Variants in LINGO2 observed in about 807,000 individuals in gnomAD.
LINGO2 encodes leucine rich repeat and Ig domain containing 2.
A neutral mutation model predicts 30.6 loss-of-function variants in LINGO2; 14 were observed. That is an observed-to-expected ratio of 0.46 (90% CI 0.30 to 0.72). The LOEUF is 0.72. Among genes scored for constraint, LINGO2 ranks in the 30% least tolerant of loss-of-function variants. The probability of loss-of-function intolerance (pLI) is 0.07; values close to 1 mark genes in which losing one functional copy is unlikely to be tolerated. For synonymous variants in LINGO2, 317 were observed against 288.5 expected (o/e 1.10, Z -1.00); for missense variants, 729 against 751.7 (o/e 0.97, Z 0.35).
chr9:28,851,143 C>G, the LINGO2 span, among the ~76,000 whole-genome samples: 3 of 152,002 alleles, frequency 2.0e-5, no homozygotes, highest in East Asian at 5.8e-4. Context: ...TTTCCTATTA[C>G]TTCTATAACA....
At chr9:29,004,040 T>C in the LINGO2 span, among the ~76,000 whole-genome samples, 14 of 152,026 alleles carry the variant, frequency 9.2e-5, no homozygotes, top group Non-Finnish European at 2.9e-5. Context: ...CCTCATTTTA[T>C]AAGCCAAAGC....
chr9:28,496,301 C>G (rs1819626060), intron 1 of LINGO2, among the ~76,000 whole-genome samples: 2 of 152,122 alleles, frequency 1.3e-5, no homozygotes, highest in South Asian at 4.1e-4. Context: ...GTCTAAGTCT[C>G]TCTGTAGGTC....
chr9:28,565,581 T>C (rs1332650307), intron 1 of LINGO2, among the ~76,000 whole-genome samples: 1 of 151,410 alleles, frequency 6.6e-6, no homozygotes, highest in African/African-American at 2.4e-5. Context: ...AGACGGAGTC[T>C]CGCTCTGTCG....
At chr9:28,106,733 C>T (rs980795576) in intron 4 of LINGO2, among the ~76,000 whole-genome samples, 1 of 152,090 alleles carries the variant, frequency 6.6e-6, no homozygotes, top group Admixed American at 6.6e-5. Context: ...AGCAGTGAAG[C>T]CTTCTCAAAT....
At chr9:28,937,768 A>G in the LINGO2 span, among the ~76,000 whole-genome samples, 7 of 152,034 alleles carry the variant, frequency 4.6e-5, no homozygotes, top group African/African-American at 7.2e-5. Flanking sequence ...TAGTCTCTCA[A>G]TTGCTGTTTG....
chr9:28,090,989 T>G (rs899178841), intron 4 of LINGO2, among the ~76,000 whole-genome samples: 1 of 152,100 alleles, frequency 6.6e-6, no homozygotes, highest in Non-Finnish European at 1.5e-5. Context: ...ATAAAATACC[T>G]AGGAATCCAA....
At chr9:28,266,544 A>T (rs1822756993) in intron 4 of LINGO2, among the ~76,000 whole-genome samples, 1 of 151,990 alleles carries the variant, frequency 6.6e-6, no homozygotes, top group Non-Finnish European at 1.5e-5. Context: ...CAGAAAATTG[A>T]CAAGAGAAGA....
the LINGO2 span, among the ~76,000 whole-genome samples, chr9:28,741,923 G>T: frequency 6.6e-6 from 1 of 151,948 alleles, no homozygotes; most frequent in Non-Finnish European, 1.5e-5. Flanking sequence ...GGTCAGCCTG[G>T]TTAGCTAGGA....
chr9:28,417,518 C>A (rs2134855896), intron 2 of LINGO2, among the ~76,000 whole-genome samples: 1 of 152,072 alleles, frequency 6.6e-6, no homozygotes, highest in East Asian at 1.9e-4. Flanking sequence ...GATAATTATT[C>A]CATAAGGTTA....
chr9:28,066,074 G>A (rs1021749903), intron 4 of LINGO2, among the ~76,000 whole-genome samples: 12 of 152,004 alleles, frequency 7.9e-5, no homozygotes, highest in African/African-American at 2.7e-4. Flanking sequence ...TCCTGTACAC[G>A]GCTGCAGCGG....
At chr9:28,351,525 A>G (rs1819891205) in intron 3 of LINGO2, among the ~76,000 whole-genome samples, 1 of 148,660 alleles carries the variant, frequency 6.7e-6, no homozygotes, top group Non-Finnish European at 1.5e-5. Context: ...ACCAACCAAA[A>G]AGAGTCCAGG....
At chr9:28,281,874 G>A (rs1269865900) in intron 4 of LINGO2, among the ~76,000 whole-genome samples, 7 of 152,180 alleles carry the variant, frequency 4.6e-5, no homozygotes, top group South Asian at 2.1e-4. Context: ...ACTAGTGACC[G>A]GATTTCTGCA....
intron 5 of LINGO2, among the ~76,000 whole-genome samples, chr9:27,990,223 A>G (rs1396785895): frequency 1.3e-5 from 2 of 152,076 alleles, no homozygotes; most frequent in Non-Finnish European, 2.9e-5. Flanking sequence ...CATTTCAACA[A>G]GATTCAACAT....
chr9:28,365,220 C>G lies in LINGO2; in HGVS notation c.-246+7616G>C, dbSNP rs564818029. On this transcript the variant is annotated intron_variant, in intron 3 of 5. Coordinates refer to ENST00000379992, the Ensembl canonical transcript of LINGO2. ...AGGGATGATGGCGGGAAAGGGCATT[C>G]TCAATAGAGGGAACGTGAAGAATTT... 7.2e-5 allele frequency among the ~76,000 whole-genome samples: 11 copies of G among 152,030 alleles called. 1 individual carries two copies. Among genetic ancestry groups the G allele is most frequent in the African/African-American group, 2.4e-4 (10 of 41,456 alleles).
chr9:28,195,057 A>G (rs371966303), intron 4 of LINGO2, among the ~76,000 whole-genome samples: 37 of 152,168 alleles, frequency 2.4e-4, no homozygotes, highest in African/African-American at 8.9e-4. Context: ...ACCTAGGAAA[A>G]ACAAACAACA....
At chr9:28,642,801 A>G (rs1827658276) in intron 1 of LINGO2, among the ~76,000 whole-genome samples, 1 of 152,112 alleles carries the variant, frequency 6.6e-6, no homozygotes, top group South Asian at 2.1e-4. Flanking sequence ...CAGAACAAAC[A>G]GCTGGTGTGA....
intron 1 of LINGO2, among the ~76,000 whole-genome samples, chr9:28,603,819 C>A (rs1825591757): frequency 6.6e-6 from 1 of 151,858 alleles, no homozygotes; most frequent in Non-Finnish European, 1.5e-5. Flanking sequence ...TTGATGTAAC[C>A]CAGCAATATC....
chr9:29,050,384 A>G, the LINGO2 span, among the ~76,000 whole-genome samples: 5 of 152,216 alleles, frequency 3.3e-5, no homozygotes, highest in African/African-American at 1.2e-4. Flanking sequence ...CCATAAATAT[A>G]CACGTCTGCT....
chr9:28,539,343 G>A (rs935257199), intron 1 of LINGO2, among the ~76,000 whole-genome samples: 1 of 152,098 alleles, frequency 6.6e-6, no homozygotes, highest in African/African-American at 2.4e-5. Flanking sequence ...AGAAATGTTT[G>A]TTTAGTGAAT....
Sources: allele counts gnomAD v4.1 joint callset (sites outside exome capture counted in the v4.1 genomes callset), GRCh38; gene constraint gnomAD v4.1.1; transcripts MANE v1.5; gene names NCBI Gene and HGNC (gene_info 2026-07-23, HGNC 2026-07-21).